Variants in GRID1 observed in about 807,000 individuals in gnomAD.
The protein encoded by GRID1 is glutamate receptor ionotropic, delta-1.
A neutral mutation model predicts 98.0 loss-of-function variants in GRID1; 28 were observed. The observed-to-expected ratio is 0.29, with a 90% CI of 0.21 to 0.39. The LOEUF is 0.39. Ranked by LOEUF, GRID1 falls within the 10% of genes least tolerant of loss-of-function variation. GRID1 has a pLI of 1.00. For synonymous variants in GRID1, 553 were observed against 538.5 expected, an observed-to-expected ratio of 1.03 and a Z score of -0.37; for missense variants, 1,111 against 1,340.5, an observed-to-expected ratio of 0.83 and a Z score of 2.67.
chr10:86,247,376 GATGGATGGATGATGGATGA>G (rs1449902616), intron 2 of GRID1, among the ~76,000 whole-genome samples: 3 of 152,134 alleles, frequency 2.0e-5, no homozygotes, highest in Non-Finnish European at 4.4e-5. Context: ...CAGATGGATG[GATGGATGGATGATGGATGA>G]ATGGATGGAT....
intron 12 of GRID1, among the ~76,000 whole-genome samples, chr10:85,668,780 A>G (rs1051468934): frequency 5.3e-5 from 8 of 152,248 alleles, no homozygotes; most frequent in African/African-American, 1.9e-4. Flanking sequence ...AATGGCAGTA[A>G]GACACTGCTT....
chr10:86,107,612 T>C (rs927947648), intron 4 of GRID1, among the ~76,000 whole-genome samples: 6 of 152,096 alleles, frequency 3.9e-5, no homozygotes, highest in African/African-American at 1.2e-4. Flanking sequence ...ATGTTGCATT[T>C]CCCAAGACCT....
At chr10:86,112,644 G>C (rs1046828849) in intron 4 of GRID1, among the ~76,000 whole-genome samples, 1 of 152,286 alleles carries the variant, frequency 6.6e-6, no homozygotes, top group East Asian at 1.9e-4. Context: ...TCTGCCAGGG[G>C]GCTCCTGCTG....
intron 5 of GRID1, among the ~76,000 whole-genome samples, chr10:85,910,157 T>A (rs868446561): frequency 1.3e-5 from 2 of 152,046 alleles, no homozygotes; most frequent in African/African-American, 4.8e-5. Flanking sequence ...TGTTTTCGAG[T>A]GTTACTAAAT....
At chr10:86,035,177 G>A (rs989016489) in intron 4 of GRID1, among the ~76,000 whole-genome samples, 5 of 152,128 alleles carry the variant, frequency 3.3e-5, no homozygotes, top group African/African-American at 1.2e-4. Flanking sequence ...AGTTCTAATA[G>A]GCCTGTTATC....
intron 14 of GRID1, among the ~76,000 whole-genome samples, chr10:85,616,200 C>CTGATCATA (rs1842786558): frequency 6.6e-6 from 1 of 152,228 alleles, no homozygotes; most frequent in Non-Finnish European, 1.5e-5. Context: ...ACAGTAGGAG[C>CTGATCATA]TGATCATATT....
intron 4 of GRID1, among the ~76,000 whole-genome samples, chr10:86,011,071 A>C (rs1356749744): frequency 6.6e-6 from 1 of 152,192 alleles, no homozygotes; most frequent in African/African-American, 2.4e-5. Flanking sequence ...CACTGGATGA[A>C]GAATAGAGAT....
chr10:86,006,895 G>C (rs1041433542), intron 4 of GRID1, among the ~76,000 whole-genome samples: 1 of 151,984 alleles, frequency 6.6e-6, no homozygotes, highest in Non-Finnish European at 1.5e-5. Flanking sequence ...GGCAGGGGAA[G>C]CTGGCGGTGG....
chr10:85,865,519 TG>T (rs1161479307), intron 6 of GRID1, among the ~76,000 whole-genome samples: 1 of 151,952 alleles, frequency 6.6e-6, no homozygotes, highest in African/African-American at 2.4e-5. Flanking sequence ...AGCCATTTGG[TG>T]GGGGGGAAGA....
At chr10:85,948,800 T>C (rs1483464067) in intron 4 of GRID1, among the ~76,000 whole-genome samples, 1 of 152,222 alleles carries the variant, frequency 6.6e-6, no homozygotes, top group Non-Finnish European at 1.5e-5. Context: ...GTATATACAG[T>C]ATTTTCAAAT....
At chr10:85,613,115 G>A (rs1279219359) in intron 15 of GRID1, 1 of 414,124 alleles carries the variant, frequency 2.4e-6, no homozygotes, top group African/African-American at 2.0e-5. Context: ...GGTAGGGAAG[G>A]GCTCTCTGGC....
chr10:86,314,443 C>T (rs977959551), intron 2 of GRID1, among the ~76,000 whole-genome samples: 14 of 152,250 alleles, frequency 9.2e-5, no homozygotes, highest in Admixed American at 7.8e-4. Context: ...GGCCATCTGC[C>T]TCCCTGACCC....
chr10:85,602,665 T>C lies in GRID1; in HGVS notation c.2638A>G (p.Met880Val), dbSNP rs760781273. ...ATGTCTTCATCCATGAGGCTGTTCA[T>C]GCGCCGGTGGACCTGCTCCAAGTTC... The part of the protein sequence containing the change: ...EVNLEQVHRR[M>V]NSLMDEDIAH... Residue 880 changes from methionine (M) to valine (V), a missense_variant, in exon 16 of 16, where the codon ATG becomes GTG. Met to Val is a conservative substitution (Grantham distance 21). Around this residue, in one of 3 missense-constraint regions of GRID1, gnomAD observed 762 missense variants for 869.1 expected, o/e 0.88. Transcript: ENST00000327946. 4 of 1,613,576 alleles carry C rather than the reference T, an allele frequency of 2.5e-6. No individual in the cohort carries two copies. Among genetic ancestry groups the C allele is most frequent in the African/African-American group, 2.7e-5 (2 of 74,918 alleles).
chr10:86,296,376 G>A (rs1847588001), intron 2 of GRID1, among the ~76,000 whole-genome samples: 1 of 152,170 alleles, frequency 6.6e-6, no homozygotes, highest in African/African-American at 2.4e-5. Flanking sequence ...GTGGTGAGAT[G>A]GTGGTTCCTC....
intron 4 of GRID1, among the ~76,000 whole-genome samples, chr10:85,970,692 G>A (rs1423168344): frequency 6.6e-6 from 1 of 151,938 alleles, no homozygotes; most frequent in African/African-American, 2.4e-5. Context: ...CCTGATAAAG[G>A]ACATCTATGA....
At chr10:86,153,373 T>C (rs974574080) in intron 3 of GRID1, among the ~76,000 whole-genome samples, 4 of 152,246 alleles carry the variant, frequency 2.6e-5, no homozygotes, top group Admixed American at 6.5e-5. Flanking sequence ...TTATTAAACA[T>C]AGCCAGTATG....
intron 4 of GRID1, among the ~76,000 whole-genome samples, chr10:86,130,059 C>T (rs1844811451): frequency 6.6e-6 from 1 of 152,274 alleles, no homozygotes; most frequent in African/African-American, 2.4e-5. Flanking sequence ...CAGCTTACAG[C>T]TGGCCAGTGC....
chr10:85,679,892 G>A (rs1841187901), intron 12 of GRID1, among the ~76,000 whole-genome samples: 1 of 152,188 alleles, frequency 6.6e-6, no homozygotes, highest in South Asian at 2.1e-4. Flanking sequence ...GATGCAGCAT[G>A]ATAGAATTAT....
chr10:85,892,972 T>A (rs1321777474), intron 5 of GRID1, among the ~76,000 whole-genome samples: 1 of 152,154 alleles, frequency 6.6e-6, no homozygotes, highest in Non-Finnish European at 1.5e-5. Context: ...TTAAAATTTC[T>A]TTAAAATATC....
Sources: gnomAD v4.1 joint callset for allele counts (sites outside exome capture counted in the v4.1 genomes callset) on GRCh38, gnomAD v4.1.1 for gene constraint, gnomAD v4.1.1 regional missense constraint, MANE v1.5 for transcripts, NCBI Gene and HGNC (gene_info 2026-07-23, HGNC 2026-07-21) for gene names.